The following GNAI3 variants were observed in gnomAD, a reference collection of about 807,000 sequenced individuals.
GNAI3 encodes the protein guanine nucleotide-binding protein G(i) subunit alpha-3.
GNAI3 carries 12 observed loss-of-function variants against 41.8 expected under a neutral mutation model. The ratio of observed to expected loss-of-function variants is 0.29; its 90% CI spans 0.18 to 0.47. GNAI3 has a LOEUF of 0.47. Among genes scored for constraint, GNAI3 ranks in the 20% least tolerant of loss-of-function variants. GNAI3 has a pLI of 1.00. For synonymous variants in GNAI3, 132 were observed against 146.5 expected, an observed-to-expected ratio of 0.90 and a Z score of 0.71; for missense variants, 360 against 429.6, an observed-to-expected ratio of 0.84 and a Z score of 1.43.
At position 109,573,715 on chromosome 1, in the gene GNAI3, G is replaced by A. The variant is rs776656578; in HGVS notation, c.119-22G>A. On this transcript the variant is annotated intron_variant, in intron 1 of 8. Transcript: ENST00000369851. ...TATGTTGATTACCGAGAAATTCAAA[G>A]TCTGGTTTTCTTTTCTTACAGGTGC... is the stretch of plus-strand genomic sequence containing the variant. 5 of 1,578,940 alleles carry A rather than the reference G, an allele frequency of 3.2e-6. No individual in the cohort carries two copies. The Middle Eastern group carries it at 5.1e-4, about 162-fold the overall frequency.
chr1:109,564,821 T>C (rs1648407772), intron 1 of GNAI3, among the ~76,000 whole-genome samples: 1 of 152,230 alleles, frequency 6.6e-6, no homozygotes, highest in South Asian at 2.1e-4. Flanking sequence ...AATTCTAATA[T>C]GTCAATTAAG....
At chr1:109,557,878 C>A (rs1196523493) in intron 1 of GNAI3, among the ~76,000 whole-genome samples, 1 of 151,982 alleles carries the variant, frequency 6.6e-6, no homozygotes, top group African/African-American at 2.4e-5. Flanking sequence ...ATAAGGTGAC[C>A]CTTTCAAGGA....
rs966250000 is a variant in GNAI3, at chr1:109,567,966, A to T, written c.119-5771A>T. Among the ~76,000 whole-genome samples, 11 of 143,562 alleles carry T rather than the reference A, an allele frequency of 7.7e-5. No individual in the cohort carries two copies. In the East Asian group the frequency reaches 1.7e-3, roughly 22 times the overall value. The allele number at this position is 143,562 out of a possible 152,430, so 94.2% of individuals were successfully genotyped here. Reference sequence around the variant, plus strand: ...GAGAAAAAAGAGAAGGACTCAGGGGATAGTGTTTTTTTTTTTTTTTGAGAA... The same window carrying T: ...GAGAAAAAAGAGAAGGACTCAGGGGTTAGTGTTTTTTTTTTTTTTTGAGAA... On this transcript the variant is annotated intron_variant, in intron 1 of 8. Coordinates refer to ENST00000369851, the MANE Select transcript of GNAI3 (RefSeq NM_006496.4).
chr1:109,572,120 T>C (rs533217218), intron 1 of GNAI3, among the ~76,000 whole-genome samples: 28 of 151,854 alleles, frequency 1.8e-4, no homozygotes, highest in South Asian at 1.7e-3. Flanking sequence ...CCAGCCTGGC[T>C]AATATGGTGA....
At chr1:109,577,278 G>GTT (rs10690094) in intron 3 of GNAI3, among the ~76,000 whole-genome samples, 29 of 125,344 alleles carry the variant, frequency 2.3e-4, no homozygotes, top group Non-Finnish European at 3.6e-4. Flanking sequence ...TGTTTTTTTT[G>GTT]TTTTTTTTTT....
rs562228329 is a variant in GNAI3, at chr1:109,563,973, C to A, written c.119-9764C>A. Among the ~76,000 whole-genome samples, 9 of 151,410 alleles carry A rather than the reference C, an allele frequency of 5.9e-5. No individual in the cohort carries two copies. In the South Asian group the frequency reaches 1.9e-3, roughly 32 times the overall value. On this transcript the variant is annotated intron_variant, in intron 1 of 8. Coordinates refer to ENST00000369851, the MANE Select transcript of GNAI3 (RefSeq NM_006496.4). ...CCAATATTTATTTAATAAAAAACAA[C>A]CTAAAGTTTTAAAGGCAAAAAAGGT...
Position 109,573,934 on chromosome 1 carries a change from A to G in GNAI3, c.200A>G (p.Lys67Arg). Residue 67 changes from lysine (K) to arginine (R), a missense_variant, in exon 3 of 9, where the codon AAA (lysine) becomes AGA (arginine). Lys to Arg is a conservative substitution (Grantham distance 26, BLOSUM62 2). Coordinates refer to ENST00000369851, the MANE Select transcript of GNAI3 (RefSeq NM_006496.4). ...HEDGYSEDEC[K>R]QYKVVVYSNT... ...GATGGCTATTCAGAGGATGAATGTAAACAATATAAAGTAGTTGTCTACAGC... is the reference window on the plus strand; with the variant it reads ...GATGGCTATTCAGAGGATGAATGTAGACAATATAAAGTAGTTGTCTACAGC... 1.9e-6 allele frequency: 3 copies of G among 1,605,952 alleles called. No homozygotes were observed. The highest frequency in any genetic ancestry group is 2.6e-6 in the Non-Finnish European group (3 of 1,172,758).
At chr1:109,581,725 TA>T (rs949822311) in intron 4 of GNAI3, among the ~76,000 whole-genome samples, 1 of 151,848 alleles carries the variant, frequency 6.6e-6, no homozygotes, top group African/African-American at 2.4e-5. Flanking sequence ...CCATCTCTAC[TA>T]AAAATACAAA....
intron 1 of GNAI3, 143 bp downstream of exon 1, chr1:109,548,981 T>G: frequency 4.4e-6 from 2 of 456,946 alleles, no homozygotes; most frequent in Non-Finnish European, 4.1e-6. Context: ...GTGTTGGGGT[T>G]CCTAGCTGAG....
In GNAI3 at chr1:109,587,761, G is replaced by T. The variant is rs376291101; in HGVS notation, c.874+879G>T. Among the ~76,000 whole-genome samples, 179 of 152,252 alleles carry T rather than the reference G, an allele frequency of 1.2e-3. 4 individuals are homozygous for T. The South Asian group carries it at 0.036, about 31-fold the overall frequency. On this transcript the variant is annotated intron_variant, in intron 7 of 8. Coordinates refer to ENST00000369851, the MANE Select transcript of GNAI3 (RefSeq NM_006496.4). The stretch of plus-strand genomic sequence containing the variant: ...ATATCATGGGGTGCATGATATAGAA[G>T]AAACTGTGCTTGAGAAAGATTATGC...
intron 4 of GNAI3, among the ~76,000 whole-genome samples, chr1:109,580,220 G>A (rs1648856442): frequency 6.6e-6 from 1 of 152,064 alleles, no homozygotes; most frequent in African/African-American, 2.4e-5. Flanking sequence ...GGATGGTCTC[G>A]ATCTCCTGAC....
At chr1:109,586,708 C>T (rs760845958) in intron 6 of GNAI3, 21 bp from the exon 7 acceptor site, 1 of 1,562,734 alleles carries the variant, frequency 6.4e-7, no homozygotes, top group South Asian at 1.1e-5. Flanking sequence ...ACTGACCTAT[C>T]ATCCTTTATT....
chr1:109,573,049 T>C (rs1046438079), intron 1 of GNAI3, among the ~76,000 whole-genome samples: 1 of 151,456 alleles, frequency 6.6e-6, no homozygotes, highest in Admixed American at 6.6e-5. Context: ...TGGGAGGGGG[T>C]TTATAAAATT....
chr1:109,553,436 A>G (rs932574626), intron 1 of GNAI3, among the ~76,000 whole-genome samples: 2 of 152,106 alleles, frequency 1.3e-5, no homozygotes, highest in Non-Finnish European at 2.9e-5. Context: ...ATTTACTTAA[A>G]CTCTATATTA....
rs1028153949 is a variant in GNAI3 at position 109,599,758 on chromosome 1, A to T, written c.*7436A>T. On this transcript the variant is annotated 3_prime_UTR_variant, in exon 9 of 9. Transcript: ENST00000369851. ...TTGAGATCTATTTGTCTTAGCTTGG[A>T]GGTGGTTTTGTTAAATGTCCACGAT... 6.6e-6 allele frequency: 1 copy of T among 152,148 alleles called. No individual in the cohort carries two copies. The highest frequency in any genetic ancestry group is 6.5e-5 in the Admixed American group (1 of 15,268). The allele number at this position is 152,148 out of a possible 1,614,324, so 9.4% of individuals were successfully genotyped here. A position where few individuals can be genotyped will look rare whatever the true frequency, so the allele number is the denominator to read the frequency against.
At chr1:109,551,656 TA>T (rs1287664252) in intron 1 of GNAI3, among the ~76,000 whole-genome samples, 1 of 152,176 alleles carries the variant, frequency 6.6e-6, no homozygotes, top group Non-Finnish European at 1.5e-5. Context: ...GAGGATTAAA[TA>T]TGGTAATAAT....
At chr1:109,556,463 A>G (rs1648156966) in intron 1 of GNAI3, among the ~76,000 whole-genome samples, 1 of 152,208 alleles carries the variant, frequency 6.6e-6, no homozygotes, top group African/African-American at 2.4e-5. Flanking sequence ...AAACTGAAAC[A>G]TTGTGAAGAG....
chr1:109,592,240 T>G lies in GNAI3; in HGVS notation c.*7T>G. On this transcript the variant is annotated 3_prime_UTR_variant, in exon 8 of 9. Transcript: ENST00000369851. ...GGAATGTGGACTTTATTGAGAAGCA[T>G]GGATGTTAGTGAAAGGTAAAGTTTC... is the stretch of plus-strand genomic sequence containing the variant. 6.3e-7 allele frequency: 1 copy of G among 1,575,504 alleles called. No homozygotes were observed. The highest frequency in any genetic ancestry group is 8.7e-7 in the Non-Finnish European group (1 of 1,145,586).
chr1:109,557,213 G>T (rs1571147606), intron 1 of GNAI3, among the ~76,000 whole-genome samples: 2 of 152,336 alleles, frequency 1.3e-5, no homozygotes, highest in Non-Finnish European at 2.9e-5. Flanking sequence ...GGGATTACAG[G>T]TGTGAGTCAC....
Sources: gnomAD v4.1 joint callset for allele counts (sites outside exome capture counted in the v4.1 genomes callset) on GRCh38, gnomAD v4.1.1 for gene constraint, MANE v1.5 for transcripts, NCBI Gene and HGNC (gene_info 2026-07-23, HGNC 2026-07-21) for gene names.